The following WDR75 variants were observed in gnomAD, a reference collection of about 807,000 sequenced individuals.
The protein encoded by WDR75 is WD repeat-containing protein 75.
Under a neutral mutation model 106.1 loss-of-function variants are expected in WDR75, and 52 were observed. The observed-to-expected ratio is 0.49, with a 90% CI of 0.39 to 0.62. WDR75 has a LOEUF of 0.62. Ranked by LOEUF, WDR75 falls within the 20% of genes least tolerant of loss-of-function variation. WDR75 has a pLI of 0.00. For synonymous variants in WDR75, 333 were observed against 335.5 expected (o/e 0.99, Z 0.08); for missense variants, 905 against 970.3 (o/e 0.93, Z 0.89).
intron 16 of WDR75, 41 bp downstream of exon 16, chr2:189,469,480 A>T (rs1687073886): frequency 2.0e-6 from 3 of 1,502,508 alleles, no homozygotes; most frequent in Non-Finnish European, 2.8e-6. Context: ...AACATCTATG[A>T]CCTAAGTTTT....
chr2:189,441,522 T>G lies in WDR75; in HGVS notation c.30T>G (p.Val10=). The G allele has an allele frequency of 6.4e-7, 1 of 1,567,286 alleles. No homozygotes were observed. The highest frequency in any genetic ancestry group is 1.2e-5 in the South Asian group (1 of 85,188). Reference sequence around the variant, plus strand: ...TGGAGGAGGAGAACATCCGCGTGGTTCGTTGTGGCGGCAGCGAGTTGAACT... The same window carrying G: ...TGGAGGAGGAGAACATCCGCGTGGTGCGTTGTGGCGGCAGCGAGTTGAACT... The part of the protein sequence containing the change: MVEEENIRV[V]RCGGSELNFR... Residue 10 remains valine, a synonymous_variant, in exon 1 of 21, where the codon GTT becomes GTG. Coordinates refer to ENST00000314761, the MANE Select transcript of WDR75 (RefSeq NM_032168.3).
At position 189,470,251 on chromosome 2, in the gene WDR75, T is replaced by C. The variant is rs770255517; in HGVS notation, c.1989+6T>C. ...ACTTCCTAACAAAATCACAGGTAAC[T>C]GCCTCCCTCAAAAAAGGCGATCACT... On this transcript the variant is annotated splice_donor_region_variant and intron_variant, in intron 17 of 20. Transcript: ENST00000314761. The C allele has an allele frequency of 1.9e-6, 3 of 1,608,980 alleles. No individual in the cohort carries two copies. The highest frequency in any genetic ancestry group is 2.7e-5 in the African/African-American group (2 of 74,646).
intron 1 of WDR75, among the ~76,000 whole-genome samples, chr2:189,444,347 T>C (rs998610622): frequency 6.6e-6 from 1 of 152,210 alleles, no homozygotes; most frequent in African/African-American, 2.4e-5. Context: ...AACTCTGTTC[T>C]AGGTACTTGA....
In WDR75 at chr2:189,470,085, T is replaced by A; in HGVS notation, c.1829T>A (p.Phe610Tyr). 1 of 1,611,386 alleles carries A rather than the reference T, an allele frequency of 6.2e-7. No homozygotes were observed. ...QSSVGSDLFV[F>Y]KPSEPRPLYI... ...TGTTTTTTCCCTCTAGTGTTTGTATTTAAACCTAGTGAGCCAAGGCCATTG... is the reference window on the plus strand; with the variant it reads ...TGTTTTTTCCCTCTAGTGTTTGTATATAAACCTAGTGAGCCAAGGCCATTG... Residue 610 changes from phenylalanine to tyrosine, a missense_variant, in exon 17 of 21, where the codon TTT becomes TAT. Transcript: ENST00000314761.
At chr2:189,450,708 G>T (rs1574189688) in intron 2 of WDR75, 195 bp from the exon 3 acceptor site, 2 of 1,379,710 alleles carry the variant, frequency 1.4e-6, no homozygotes, top group East Asian at 6.0e-5. Flanking sequence ...AACTTGAAAT[G>T]GATGGATCTG....
Position 189,448,369 on chromosome 2 carries a change from T to A in WDR75, c.87-10T>A, listed in dbSNP as rs964978499. The A allele has an allele frequency of 6.2e-7, 1 of 1,609,102 alleles. No homozygotes were observed. Among genetic ancestry groups the A allele is most frequent in the Non-Finnish European group, 8.5e-7 (1 of 1,178,028 alleles). On this transcript the variant is annotated splice_polypyrimidine_tract_variant and intron_variant, in intron 1 of 20. Coordinates refer to ENST00000314761, the MANE Select transcript of WDR75 (RefSeq NM_032168.3). ...TATGTAAAACTTACTTTTCTTTCTT[T>A]TTTTTCCAGGTATATCTTCTGTGTC...
At chr2:189,462,430 T>C in intron 8 of WDR75, 54 bp from the exon 9 acceptor site, 1 of 1,577,294 alleles carries the variant, frequency 6.3e-7, no homozygotes, top group Non-Finnish European at 8.6e-7. Flanking sequence ...ATATTTTTCT[T>C]TCTCTTTTTT....
chr2:189,459,408 G>A lies in WDR75; in HGVS notation c.762G>A (p.Leu254=), dbSNP rs1204003865. ...GGCACCATGATATGGTTATGGATTT[G>A]GCTTTTTCAGTGACAGGTAAGTGCG... ...LHWHHDMVMD[L]AFSVTGTSLL... Residue 254 remains leucine, a synonymous_variant, in exon 8 of 21, where the codon TTG becomes TTA. Coordinates refer to ENST00000314761, the MANE Select transcript of WDR75 (RefSeq NM_032168.3). 2 of 1,611,774 alleles carry A rather than the reference G, an allele frequency of 1.2e-6. No individual in the cohort carries two copies. Among genetic ancestry groups the A allele is most frequent in the African/African-American group, 2.7e-5 (2 of 74,814 alleles).
chr2:189,459,970 A>G (rs949064964), intron 8 of WDR75, among the ~76,000 whole-genome samples: 1 of 152,162 alleles, frequency 6.6e-6, no homozygotes. Flanking sequence ...TTTTAAATTA[A>G]TCTCCATCAT....
chr2:189,468,498 CGT>C lies in WDR75; in HGVS notation c.1655_1656del (p.Cys552PhefsTer9). On this transcript the variant is annotated frameshift_variant, in exon 15 of 21. Coordinates refer to ENST00000314761, the MANE Select transcript of WDR75 (RefSeq NM_032168.3). LOFTEE classifies it high-confidence loss of function. The stretch of plus-strand genomic sequence containing the variant: ...AGGCACCTTTGCTTTGGGAGATTGA[CGT>C]GTTCAAAGTATCTACTTGGTGCTAC... The C allele has an allele frequency of 6.2e-7, 1 of 1,613,260 alleles. No individual in the cohort carries two copies. Among genetic ancestry groups the C allele is most frequent in the Non-Finnish European group, 8.5e-7 (1 of 1,179,420 alleles).
chr2:189,445,088 T>G (rs1235444730), intron 1 of WDR75, among the ~76,000 whole-genome samples: 2 of 152,198 alleles, frequency 1.3e-5, no homozygotes, highest in African/African-American at 2.4e-5. Context: ...ATTGAGTGAG[T>G]GCTTGCTGTG....
At chr2:189,467,714 T>G (rs7606694) in intron 14 of WDR75, 66 bp downstream of exon 14, 3 of 1,429,964 alleles carry the variant, frequency 2.1e-6, no homozygotes, top group Admixed American at 4.8e-5. Flanking sequence ...CTTAAAACTT[T>G]AGTAGTCATT....
At chr2:189,472,352 A>G (rs919592009) in intron 18 of WDR75, among the ~76,000 whole-genome samples, 1 of 152,192 alleles carries the variant, frequency 6.6e-6, no homozygotes, top group African/African-American at 2.4e-5. Context: ...TGAGTTACAT[A>G]TAGGGCCCCT....
At chr2:189,464,686 T>C (rs1432126623) in intron 11 of WDR75, among the ~76,000 whole-genome samples, 1 of 152,126 alleles carries the variant, frequency 6.6e-6, no homozygotes, top group Non-Finnish European at 1.5e-5. Context: ...TCTTAAAGAT[T>C]GTAGGTTTAT....
rs746596319 is a variant in WDR75 at position 189,474,592 on chromosome 2, GAA to G, written c.2197-123_2197-122del. 1.8e-4 allele frequency: 164 copies of G among 935,054 alleles called. No homozygotes were observed. In the Middle Eastern group the frequency reaches 2.4e-3, roughly 14 times the overall value. 57.9% of individuals were successfully genotyped at this position (935,054 alleles called of 1,614,324 possible). A position where few individuals can be genotyped will look rare whatever the true frequency, so the allele number is the denominator to read the frequency against. On this transcript the variant is annotated intron_variant, in intron 19 of 20. Coordinates refer to ENST00000314761, the MANE Select transcript of WDR75 (RefSeq NM_032168.3). The stretch of plus-strand genomic sequence containing the variant: ...TTCTTTGGTTTGGCTTTTGTATAGG[GAA>G]AGCCTTTTCATGTTTCACTCTTGGC...
At position 189,466,479 on chromosome 2, in the gene WDR75, C is replaced by T; in HGVS notation, c.1344C>T (p.Leu448=). ...CACACGAAGACTGCATTACAGCTCT[C>T]TGTTTCTGTAATGCAGAAAAATCTG... ...NMPHEDCITA[L]CFCNAEKSEQ... is the part of the protein sequence containing the mutation. The change falls in exon 13 of 21, where the codon CTC becomes CTT. Residue 448 remains leucine, a synonymous_variant. Transcript: ENST00000314761. 2 of 1,613,256 alleles carry T rather than the reference C, an allele frequency of 1.2e-6. No individual in the cohort carries two copies. The highest frequency in any genetic ancestry group is 1.7e-6 in the Non-Finnish European group (2 of 1,179,416).
intron 8 of WDR75, among the ~76,000 whole-genome samples, chr2:189,460,428 C>A (rs1487635736): frequency 6.6e-6 from 1 of 151,988 alleles, no homozygotes; most frequent in Non-Finnish European, 1.5e-5. Context: ...TATTCTCTAC[C>A]CTCCTTCCCA....
At chr2:189,472,663 G>A (rs1483655380) in intron 18 of WDR75, among the ~76,000 whole-genome samples, 3 of 152,058 alleles carry the variant, frequency 2.0e-5, no homozygotes, top group African/African-American at 7.2e-5. Flanking sequence ...GGATTTAAAA[G>A]TGGGTTAAAA....
chr2:189,444,954 C>G (rs1057116930), intron 1 of WDR75, among the ~76,000 whole-genome samples: 2 of 152,140 alleles, frequency 1.3e-5, no homozygotes, highest in Admixed American at 1.3e-4. Context: ...AATCTTGGTT[C>G]CGACTTGAAA....
Sources: gnomAD v4.1 joint callset for allele counts (sites outside exome capture counted in the v4.1 genomes callset) on GRCh38, gnomAD v4.1.1 for gene constraint, MANE v1.5 for transcripts, NCBI Gene and HGNC (gene_info 2026-07-23, HGNC 2026-07-21) for gene names.